Variants in PNPLA1 observed in about 807,000 individuals in gnomAD.
The protein encoded by PNPLA1 is patatin like domain 1, omega-hydroxyceramide transacylase, also known as omega-hydroxyceramide transacylase.
PNPLA1 carries 36 observed loss-of-function variants against 51.7 expected under a neutral mutation model. The observed-to-expected ratio is 0.70, with a 90% CI of 0.53 to 0.92. The LOEUF is 0.92. Ranked by LOEUF, PNPLA1 falls within the 40% of genes least tolerant of loss-of-function variation. The pLI is 0.00. For missense variants in PNPLA1, 658 were observed against 682.5 expected (o/e 0.96, Z 0.40); for synonymous variants, 293 against 280.1 (o/e 1.05, Z -0.46).
chr6:36,251,775 C>CA (rs1201456959), intron 1 of PNPLA1, among the ~76,000 whole-genome samples: 111 of 151,266 alleles, frequency 7.3e-4, no homozygotes, highest in African/African-American at 1.8e-3. Context: ...CCCGTCTCTA[C>CA]AAAAAAAAAT....
intron 2 of PNPLA1, among the ~76,000 whole-genome samples, chr6:36,292,806 C>T (rs535256447): frequency 1.8e-4 from 27 of 152,296 alleles, no homozygotes; most frequent in Non-Finnish European, 2.4e-4. Flanking sequence ...CAGAAGGAAC[C>T]CCGAAGCTAT....
chr6:36,252,021 G>A (rs768830468), intron 1 of PNPLA1, among the ~76,000 whole-genome samples: 16 of 152,172 alleles, frequency 1.1e-4, no homozygotes, highest in Non-Finnish European at 1.8e-4. Context: ...AATGAATAGC[G>A]GCAGTGTCAG....
chr6:36,252,918 C>T (rs770994412), intron 1 of PNPLA1, among the ~76,000 whole-genome samples: 22 of 152,230 alleles, frequency 1.4e-4, no homozygotes, highest in Admixed American at 1.1e-3. Context: ...TGGTGGCTCA[C>T]GCCTGTAATT....
chr6:36,275,595 T>C (rs1313385293), intron 1 of PNPLA1, among the ~76,000 whole-genome samples: 1 of 152,248 alleles, frequency 6.6e-6, no homozygotes, highest in Non-Finnish European at 1.5e-5. Context: ...TTCTGGAATA[T>C]TCAAGTGTCT....
upstream of PNPLA1, among the ~76,000 whole-genome samples, chr6:36,267,975 C>T (rs116155684): frequency 3.3e-5 from 5 of 152,278 alleles, no homozygotes; most frequent in Non-Finnish European, 7.4e-5. Flanking sequence ...CCAACCAGTC[C>T]CTGGCCCTGA....
chr6:36,273,864 G>A (rs1770008307), intron 1 of PNPLA1, among the ~76,000 whole-genome samples: 1 of 151,994 alleles, frequency 6.6e-6, no homozygotes. Flanking sequence ...GGCAGTGGTA[G>A]GAACTAAAAC....
intron 1 of PNPLA1, among the ~76,000 whole-genome samples, chr6:36,257,519 T>C (rs1254467840): frequency 6.6e-6 from 1 of 152,234 alleles, no homozygotes; most frequent in East Asian, 1.9e-4. Flanking sequence ...ATCCTGATGA[T>C]GGCCAAAGGC....
intron 1 of PNPLA1, among the ~76,000 whole-genome samples, chr6:36,264,473 T>C (rs1769719676): frequency 6.6e-6 from 1 of 152,202 alleles, no homozygotes; most frequent in South Asian, 2.1e-4. Context: ...AAAACGATAG[T>C]ATATATTGTT....
intron 1 of PNPLA1, among the ~76,000 whole-genome samples, chr6:36,260,018 A>G (rs1024936691): frequency 6.6e-6 from 1 of 152,118 alleles, no homozygotes; most frequent in Non-Finnish European, 1.5e-5. Context: ...AAGACCATTG[A>G]GGCCAGGCTC....
intron 1 of PNPLA1, among the ~76,000 whole-genome samples, chr6:36,255,420 G>T (rs1189755661): frequency 1.7e-4 from 26 of 152,182 alleles, no homozygotes; most frequent in Non-Finnish European, 5.9e-5. Context: ...CAGGAGAATT[G>T]CTTGAACCCG....
chr6:36,303,101 A>C (rs1771119075), intron 6 of PNPLA1, among the ~76,000 whole-genome samples: 1 of 149,584 alleles, frequency 6.7e-6, no homozygotes, highest in African/African-American at 2.4e-5. Context: ...ACTACAAAGA[A>C]ATTTTTTTTT....
upstream of PNPLA1, among the ~76,000 whole-genome samples, chr6:36,266,300 G>A (rs1289139474): frequency 6.6e-6 from 1 of 152,236 alleles, no homozygotes; most frequent in African/African-American, 2.4e-5. Context: ...CATGCTTATT[G>A]TTTGAAAGTG....
intron 1 of PNPLA1, among the ~76,000 whole-genome samples, chr6:36,272,473 GC>G (rs1263069029): frequency 6.6e-6 from 1 of 152,222 alleles, no homozygotes. Context: ...CAGACCCGGG[GC>G]CATGGCCTGG....
chr6:36,270,665 G>A lies in PNPLA1; in HGVS notation c.205+1G>A, dbSNP rs1056433698. The A allele has an allele frequency of 1.3e-6, 2 of 1,550,270 alleles. No individual in the cohort carries two copies. Among genetic ancestry groups the A allele is most frequent in the African/African-American group, 2.7e-5 (2 of 73,022 alleles). On this transcript the variant is annotated splice_donor_variant, in intron 1 of 8. Transcript: ENST00000636260. LOFTEE classifies it high-confidence loss of function. ...CTGGCCATCTGCGGGATTGAAATGGGTGAGGCCTGTGTTCTGGGTCCCCTG... is the reference window on the plus strand; with the variant it reads ...CTGGCCATCTGCGGGATTGAAATGGATGAGGCCTGTGTTCTGGGTCCCCTG...
intron 5 of PNPLA1, among the ~76,000 whole-genome samples, chr6:36,299,992 A>G (rs953403224): frequency 5.3e-5 from 8 of 152,148 alleles, no homozygotes; most frequent in Non-Finnish European, 1.0e-4. Context: ...TCATGAACCA[A>G]TCTTGACATA....
chr6:36,301,121 C>CA (rs1771030857), intron 5 of PNPLA1, among the ~76,000 whole-genome samples: 2 of 132,026 alleles, frequency 1.5e-5, no homozygotes, highest in Admixed American at 7.6e-5. Context: ...CCCGCCCCCC[C>CA]ACCCACCCAC....
At chr6:36,249,514 G>A (rs1769376220) in intron 1 of PNPLA1, among the ~76,000 whole-genome samples, 1 of 152,326 alleles carries the variant, frequency 6.6e-6, no homozygotes, top group African/African-American at 2.4e-5. Context: ...CAGTGTGGCA[G>A]AAAATAAAAC....
intron 1 of PNPLA1, among the ~76,000 whole-genome samples, chr6:36,288,158 T>C (rs1770561619): frequency 6.6e-6 from 1 of 152,158 alleles, no homozygotes; most frequent in African/African-American, 2.4e-5. Context: ...TAGGAATTTA[T>C]CCTAAGGAAA....
At position 36,270,488 on chromosome 6, in the gene PNPLA1, C is replaced by A; in HGVS notation, c.29C>A (p.Pro10Gln). 1 of 1,551,414 alleles carries A rather than the reference C, an allele frequency of 6.4e-7. No homozygotes were observed. The highest frequency in any genetic ancestry group is 8.7e-7 in the Non-Finnish European group (1 of 1,146,992). Reference protein sequence around the residue: MEEQVFKGDPDTPHSISFSG... With the variant: MEEQVFKGDQDTPHSISFSG... ...GAAGAACAGGTGTTCAAGGGGGACC[C>A]GGACACCCCTCACTCCATCTCCTTC... The change falls in exon 1 of 9, where the codon CCG becomes CAG. Residue 10 changes from proline (P) to glutamine (Q), a missense_variant. Coordinates refer to ENST00000636260, the MANE Select transcript of PNPLA1 (RefSeq NM_001374623.1).
Sources: gnomAD v4.1 joint callset for allele counts (sites outside exome capture counted in the v4.1 genomes callset) on GRCh38, gnomAD v4.1.1 for gene constraint, MANE v1.5 for transcripts, NCBI Gene and HGNC (gene_info 2026-07-23, HGNC 2026-07-21) for gene names.